The following MAP3K3 variants were observed in gnomAD, a reference collection of about 807,000 sequenced individuals.
MAP3K3 encodes the protein MAP/ERK kinase kinase 3.
In MAP3K3, 12 loss-of-function variants were observed where a neutral mutation model predicts 80.9. The ratio of observed to expected loss-of-function variants is 0.15; its 90% CI spans 0.10 to 0.24. MAP3K3 has a LOEUF of 0.24. Ranked by LOEUF, MAP3K3 falls within the 10% of genes least tolerant of loss-of-function variation. MAP3K3 has a pLI of 1.00. For synonymous variants in MAP3K3, 272 were observed against 307.1 expected (o/e 0.89, Z 1.19); for missense variants, 596 against 834.7 (o/e 0.71, Z 3.52).
Position 63,622,648 on chromosome 17 carries a change from C to G in MAP3K3, c.-112C>G, listed in dbSNP as rs1350965294. Reference sequence around the variant, plus strand: ...GGGGCCCAGAGCGCAGCCCGCGCCCCCCGCGCGGAGCCAGGCCCGCTGCCG... The same window carrying G: ...GGGGCCCAGAGCGCAGCCCGCGCCCGCCGCGCGGAGCCAGGCCCGCTGCCG... On this transcript the variant is annotated 5_prime_UTR_variant, in exon 1 of 16. Coordinates refer to ENST00000361733, the MANE Select transcript of MAP3K3 (RefSeq NM_002401.5). 1 of 226,808 alleles carries G rather than the reference C, an allele frequency of 4.4e-6. No individual in the cohort carries two copies. Among genetic ancestry groups the G allele is most frequent in the Non-Finnish European group, 8.4e-6 (1 of 118,636 alleles). 14.0% of individuals were successfully genotyped at this position (226,808 alleles called of 1,614,324 possible).
chr17:63,672,112 G>C (rs191379733), intron 6 of MAP3K3, among the ~76,000 whole-genome samples: 18 of 151,888 alleles, frequency 1.2e-4, no homozygotes, highest in African/African-American at 4.4e-4. Flanking sequence ...GTGAAACCCC[G>C]TCTCTATGAA....
intron 2 of MAP3K3, among the ~76,000 whole-genome samples, chr17:63,633,294 T>G (rs1016503538): frequency 2.0e-5 from 3 of 152,154 alleles, no homozygotes; most frequent in Admixed American, 1.3e-4. Context: ...TCTTAAAGCC[T>G]TGTGTAAGCA....
chr17:63,666,182 C>G (rs779869293), intron 5 of MAP3K3, among the ~76,000 whole-genome samples: 3 of 152,130 alleles, frequency 2.0e-5, no homozygotes, highest in African/African-American at 7.2e-5. Context: ...TGACCCTCCT[C>G]TCAGGCCCTT....
At chr17:63,667,454 T>C (rs376179728) in intron 6 of MAP3K3, among the ~76,000 whole-genome samples, 3 of 152,330 alleles carry the variant, frequency 2.0e-5, no homozygotes, top group South Asian at 4.1e-4. Flanking sequence ...TTGCTTATGA[T>C]TCCTGAGAAG....
rs1598121124 is a variant in MAP3K3 at position 63,688,243 on chromosome 17, G to A, written c.711-284G>A. On this transcript the variant is annotated intron_variant, in intron 8 of 15. Transcript: ENST00000361733. ...CTCTTGGAGCTCTTTGCCTGTTACA[G>A]AGGTGGGAAGAAAGGCCAAGGAGGG... 9.9e-6 allele frequency: 5 copies of A among 503,638 alleles called. No homozygotes were observed. The East Asian group carries it at 1.5e-4, about 15-fold the overall frequency. The allele number at this position is 503,638 out of a possible 1,614,324, so 31.2% of individuals were successfully genotyped here. A position where few individuals can be genotyped will look rare whatever the true frequency, so the allele number is the denominator to read the frequency against.
intron 6 of MAP3K3, among the ~76,000 whole-genome samples, chr17:63,677,233 C>T (rs2035238047): frequency 6.6e-6 from 1 of 152,138 alleles, no homozygotes; most frequent in African/African-American, 2.4e-5. Context: ...GATCTGAACC[C>T]ACGTATATCT....
At chr17:63,669,957 G>A (rs1464126206) in intron 6 of MAP3K3, among the ~76,000 whole-genome samples, 1 of 151,884 alleles carries the variant, frequency 6.6e-6, no homozygotes, top group African/African-American at 2.4e-5. Flanking sequence ...ACAAAAATTA[G>A]CCAAGTGTGG....
At chr17:63,657,088 G>GTA (rs1271781333) in intron 4 of MAP3K3, among the ~76,000 whole-genome samples, 1 of 152,030 alleles carries the variant, frequency 6.6e-6, no homozygotes, top group Non-Finnish European at 1.5e-5. Context: ...GTTTTTATTT[G>GTA]TATAACAATT....
In MAP3K3 at chr17:63,663,595, G is replaced by A. The variant is rs578087793; in HGVS notation, c.382-3345G>A. 3.9e-5 allele frequency among the ~76,000 whole-genome samples: 6 copies of A among 152,214 alleles called. No homozygotes were observed. The East Asian group carries it at 1.2e-3, about 29-fold the overall frequency. On this transcript the variant is annotated intron_variant, in intron 5 of 15. Coordinates refer to ENST00000361733, the MANE Select transcript of MAP3K3 (RefSeq NM_002401.5). Reference sequence around the variant, plus strand: ...TAAAGCGTTTAAGAGCATGGATAATGAAGACACGGATTTATTCACCTAATC... The same window carrying A: ...TAAAGCGTTTAAGAGCATGGATAATAAAGACACGGATTTATTCACCTAATC...
At chr17:63,688,399 A>G (rs1179267348) in intron 8 of MAP3K3, 128 bp from the exon 9 acceptor site, 8 of 743,444 alleles carry the variant, frequency 1.1e-5, no homozygotes, top group South Asian at 7.7e-5. Context: ...GAAAAGGGCT[A>G]TTTCCCGCAA....
At chr17:63,634,158 C>G (rs185233587) in intron 2 of MAP3K3, among the ~76,000 whole-genome samples, 4 of 152,202 alleles carry the variant, frequency 2.6e-5, no homozygotes, top group African/African-American at 9.6e-5. Flanking sequence ...TGTGTGAGTT[C>G]TCCCTTGCTA....
chr17:63,690,227 G>A lies in MAP3K3; in HGVS notation c.1064-37G>A, dbSNP rs78133767. 5,078 of 1,598,988 alleles carry A rather than the reference G, an allele frequency of 3.2e-3. 134 individuals are homozygous for A. The East Asian group carries it at 0.074, about 23-fold the overall frequency. On this transcript the variant is annotated intron_variant, in intron 11 of 15. Transcript: ENST00000361733. The stretch of plus-strand genomic sequence containing the variant: ...AATGAATGGGATATTCATAAATAAT[G>A]TACACAAAGTAACTCTTTCCTTCTG...
intron 4 of MAP3K3, among the ~76,000 whole-genome samples, chr17:63,656,262 C>T (rs75111756): frequency 0.034 from 5,202 of 151,058 alleles, 318 homozygotes; most frequent in African/African-American, 0.12. Context: ...AAATTGGGAA[C>T]TGTGTAAGTT....
At chr17:63,649,431 C>CAA (rs1264323299) in intron 3 of MAP3K3, among the ~76,000 whole-genome samples, 2 of 85,710 alleles carry the variant, frequency 2.3e-5, no homozygotes, top group Non-Finnish European at 2.3e-5. Context: ...GACTCCATCT[C>CAA]AAAAAAAAAA....
intron 5 of MAP3K3, among the ~76,000 whole-genome samples, chr17:63,659,524 A>AC (rs2034840696): frequency 8.8e-6 from 1 of 113,246 alleles, no homozygotes; most frequent in African/African-American, 3.7e-5. Context: ...TCTGTCATGG[A>AC]CTTTTTTTTT....
At chr17:63,637,593 C>T (rs1429228525) in intron 2 of MAP3K3, among the ~76,000 whole-genome samples, 1 of 152,186 alleles carries the variant, frequency 6.6e-6, no homozygotes. Flanking sequence ...TATGTTCTGG[C>T]ACTGCAGGTG....
At chr17:63,631,381 T>A (rs570334927) in intron 1 of MAP3K3, among the ~76,000 whole-genome samples, 3 of 152,250 alleles carry the variant, frequency 2.0e-5, no homozygotes, top group South Asian at 4.1e-4. Flanking sequence ...TTCCACAGGG[T>A]ATTAGAATAT....
chr17:63,658,464 C>T (rs957145066), intron 5 of MAP3K3, among the ~76,000 whole-genome samples: 11 of 152,156 alleles, frequency 7.2e-5, no homozygotes, highest in African/African-American at 2.4e-4. Flanking sequence ...GGGAATTATC[C>T]CTTATGCACA....
rs1403422237 is a variant in MAP3K3 at position 63,622,561 on chromosome 17, C to T, written c.-199C>T. On this transcript the variant is annotated 5_prime_UTR_variant, in exon 1 of 16. Transcript: ENST00000361733. Reference sequence around the variant, plus strand: ...GAGCGCCCGGGATGTAGCGGGCCACCCTGCCGATGCCACAGCGCCCGGCCG... The same window carrying T: ...GAGCGCCCGGGATGTAGCGGGCCACTCTGCCGATGCCACAGCGCCCGGCCG... The T allele has an allele frequency of 1.3e-5, 2 of 154,036 alleles. No homozygotes were observed. Among genetic ancestry groups the T allele is most frequent in the Non-Finnish European group, 2.8e-5 (2 of 70,206 alleles). 9.5% of individuals were successfully genotyped at this position (154,036 alleles called of 1,614,324 possible). A position where few individuals can be genotyped will look rare whatever the true frequency, so the allele number is the denominator to read the frequency against.
Sources: allele counts gnomAD v4.1 joint callset (sites outside exome capture counted in the v4.1 genomes callset), GRCh38; gene constraint gnomAD v4.1.1; transcripts MANE v1.5; gene names NCBI Gene and HGNC (gene_info 2026-07-23, HGNC 2026-07-21).